ZNF280D: variants seen among roughly 807,000 people sequenced by gnomAD.
The protein encoded by ZNF280D is zinc finger protein 280D, also known as suppressor of hairy wing homolog 4.
ZNF280D carries 39 observed loss-of-function variants against 94.7 expected under a neutral mutation model. The observed-to-expected ratio is 0.41, with a 90% CI of 0.32 to 0.54. ZNF280D has a LOEUF of 0.54. Ranked by LOEUF, ZNF280D falls within the 20% of genes least tolerant of loss-of-function variation. The pLI is 0.22. For missense variants in ZNF280D, 1,090 were observed against 1,149.3 expected, an observed-to-expected ratio of 0.95 and a Z score of 0.75; for synonymous variants, 398 against 377.6, an observed-to-expected ratio of 1.05 and a Z score of -0.63.
chr15:56,659,998 A>C (rs920920002), intron 16 of ZNF280D, among the ~76,000 whole-genome samples: 3 of 152,082 alleles, frequency 2.0e-5, no homozygotes, highest in Middle Eastern at 3.2e-3. Context: ...CACTAGCTAT[A>C]ATCCCCAGAA....
chr15:56,658,802 G>C (rs1188290079), intron 16 of ZNF280D, among the ~76,000 whole-genome samples: 1 of 152,212 alleles, frequency 6.6e-6, no homozygotes, highest in Admixed American at 6.5e-5. Context: ...TTGATTTACT[G>C]AGTTGAAAAC....
At chr15:56,697,084 A>G (rs530580504) in intron 6 of ZNF280D, among the ~76,000 whole-genome samples, 1 of 152,246 alleles carries the variant, frequency 6.6e-6, no homozygotes, top group Admixed American at 6.5e-5. Flanking sequence ...CAAACAGCTT[A>G]TAATAAGCAT....
At chr15:56,635,282 T>G in intron 20 of ZNF280D, 32 bp from the exon 21 acceptor site, 2 of 1,309,592 alleles carry the variant, frequency 1.5e-6, no homozygotes, top group Non-Finnish European at 1.0e-6. Flanking sequence ...TTCTTTTACA[T>G]TCACAGTTAA....
At chr15:56,684,153 C>T (rs2055833843) in intron 9 of ZNF280D, among the ~76,000 whole-genome samples, 2 of 152,260 alleles carry the variant, frequency 1.3e-5, no homozygotes, top group South Asian at 2.1e-4. Flanking sequence ...TGCAGGAAGC[C>T]TTCTGCCCAG....
intron 19 of ZNF280D, among the ~76,000 whole-genome samples, chr15:56,644,700 C>A (rs2052794602): frequency 6.6e-6 from 1 of 152,066 alleles, no homozygotes; most frequent in South Asian, 2.1e-4. Flanking sequence ...TAATTGTATG[C>A]AGCTATTAAA....
chr15:56,719,637 A>C (rs1245635149), intron 1 of ZNF280D, among the ~76,000 whole-genome samples: 3 of 152,144 alleles, frequency 2.0e-5, no homozygotes, highest in African/African-American at 7.2e-5. Flanking sequence ...TTCCTCTTTT[A>C]CTACTGAAAA....
intron 19 of ZNF280D, among the ~76,000 whole-genome samples, chr15:56,650,188 T>A (rs1033442307): frequency 1.3e-5 from 2 of 152,098 alleles, no homozygotes; most frequent in Non-Finnish European, 2.9e-5. Context: ...CTTGCACACA[T>A]AAAAAGTAGG....
At chr15:56,726,974 G>T (rs138987062) in intron 1 of ZNF280D, among the ~76,000 whole-genome samples, 1 of 152,170 alleles carries the variant, frequency 6.6e-6, no homozygotes, top group Non-Finnish European at 1.5e-5. Flanking sequence ...GTGGTTAGAC[G>T]TAGAGGCTTT....
At chr15:56,644,863 T>C (rs532235599) in intron 19 of ZNF280D, among the ~76,000 whole-genome samples, 8 of 152,316 alleles carry the variant, frequency 5.3e-5, no homozygotes, top group African/African-American at 1.4e-4. Flanking sequence ...AAGTAAGTTA[T>C]TGAAATAACT....
At chr15:56,728,579 C>T (rs2058739315) in intron 1 of ZNF280D, among the ~76,000 whole-genome samples, 2 of 152,082 alleles carry the variant, frequency 1.3e-5, no homozygotes, top group African/African-American at 4.8e-5. Flanking sequence ...AAAAAGACAA[C>T]CCAGAAGGAA....
At chr15:56,672,167 T>A (rs1375913469) in intron 13 of ZNF280D, among the ~76,000 whole-genome samples, 4 of 152,122 alleles carry the variant, frequency 2.6e-5, no homozygotes, top group African/African-American at 9.7e-5. Flanking sequence ...TGAATGTGCA[T>A]TGTTTCTTTC....
rs180837527 is a variant in ZNF280D, at chr15:56,706,248, G to A, written c.28+834C>T. ...ACAACACTTTGGGAGGCTGAGGCAG[G>A]CGGATCACCTGAGGTCAGTAGTTCG... On this transcript the variant is annotated intron_variant, in intron 3 of 21. Coordinates refer to ENST00000267807, the MANE Select transcript of ZNF280D (RefSeq NM_017661.4). Among the ~76,000 whole-genome samples the A allele has an allele frequency of 2.9e-3, 435 of 149,486 alleles. 6 individuals carry two copies. Among genetic ancestry groups the A allele is most frequent in the Admixed American group, 4.2e-3 (61 of 14,694 alleles).
intron 19 of ZNF280D, among the ~76,000 whole-genome samples, chr15:56,648,868 C>T (rs1305297206): frequency 6.6e-6 from 1 of 152,116 alleles, no homozygotes; most frequent in Non-Finnish European, 1.5e-5. Context: ...TTCCACCTCA[C>T]CCTCAACCCA....
intron 9 of ZNF280D, among the ~76,000 whole-genome samples, chr15:56,682,823 C>T (rs942026719): frequency 1.7e-4 from 26 of 151,576 alleles, no homozygotes; most frequent in African/African-American, 5.6e-4. Flanking sequence ...CTCATGTCCA[C>T]GTCAAGATGT....
chr15:56,704,397 A>G (rs2057275207), intron 3 of ZNF280D, 130 bp from the exon 4 acceptor site: 5 of 878,252 alleles, frequency 5.7e-6, no homozygotes, highest in Non-Finnish European at 8.6e-6. Flanking sequence ...TGATATTTGT[A>G]GTCAGTATGT....
intron 17 of ZNF280D, among the ~76,000 whole-genome samples, chr15:56,658,187 G>A (rs1041829118): frequency 1.3e-5 from 2 of 152,262 alleles, no homozygotes; most frequent in East Asian, 3.9e-4. Flanking sequence ...TCAGGGATGG[G>A]AAGAGCTGGA....
At chr15:56,677,749 A>G (rs1301901899) in intron 11 of ZNF280D, 75 bp from the exon 12 acceptor site, 1 of 483,024 alleles carries the variant, frequency 2.1e-6, no homozygotes, top group African/African-American at 2.1e-5. Context: ...ATCTATATCA[A>G]CAACAATAAC....
intron 21 of ZNF280D, among the ~76,000 whole-genome samples, chr15:56,633,092 G>A (rs963195175): frequency 6.6e-6 from 1 of 152,054 alleles, no homozygotes; most frequent in Non-Finnish European, 1.5e-5. Context: ...CCATTATCTA[G>A]ATCTAAGGAT....
chr15:56,717,617 A>G (rs2058113331), intron 1 of ZNF280D, among the ~76,000 whole-genome samples: 1 of 152,118 alleles, frequency 6.6e-6, no homozygotes, highest in Non-Finnish European at 1.5e-5. Flanking sequence ...AGTATACATT[A>G]ACATTAGCTA....
Sources: gnomAD v4.1 joint callset for allele counts (sites outside exome capture counted in the v4.1 genomes callset) on GRCh38, gnomAD v4.1.1 for gene constraint, MANE v1.5 for transcripts, NCBI Gene and HGNC (gene_info 2026-07-23, HGNC 2026-07-21) for gene names.